ERC2: variants seen among roughly 807,000 people sequenced by gnomAD.
ERC2 encodes the protein ELKS/RAB6-interacting/CAST family member 2.
ERC2 carries 42 observed loss-of-function variants against 114.8 expected under a neutral mutation model. That is an observed-to-expected ratio of 0.37 (90% confidence interval 0.29 to 0.47). ERC2 has a LOEUF of 0.47. Ranked by LOEUF, ERC2 falls within the 20% of genes least tolerant of loss-of-function variation. The pLI, the probability that ERC2 is intolerant of heterozygous loss-of-function variation, is 0.99. For missense variants in ERC2, 939 were observed against 1,150.7 expected, an observed-to-expected ratio of 0.82 and a Z score of 2.66; for synonymous variants, 454 against 425.5, an observed-to-expected ratio of 1.07 and a Z score of -0.82.
rs375910329 is a variant in ERC2, at chr3:56,383,345, G to A, written c.657+51006C>T. ...TGGACAACAAATCCTTCCATGATCCGGTGCCTTTCCTTCTAATCCTGTTTC... is the reference window on the plus strand; with the variant it reads ...TGGACAACAAATCCTTCCATGATCCAGTGCCTTTCCTTCTAATCCTGTTTC... On this transcript the variant is annotated intron_variant, in intron 2 of 17. Coordinates refer to ENST00000288221, the MANE Select transcript of ERC2 (RefSeq NM_015576.3). 1.7e-4 allele frequency among the ~76,000 whole-genome samples: 26 copies of A among 152,218 alleles called. No individual in the cohort carries two copies. The South Asian group carries it at 3.1e-3, about 18-fold the overall frequency.
At chr3:56,053,821 C>G (rs2075881609) in intron 7 of ERC2, among the ~76,000 whole-genome samples, 1 of 151,892 alleles carries the variant, frequency 6.6e-6, no homozygotes, top group African/African-American at 2.4e-5. Flanking sequence ...AAAACCTTAA[C>G]CAGCCTAACC....
intron 1 of ERC2, among the ~76,000 whole-genome samples, chr3:56,457,852 T>C (rs1055778371): frequency 3.3e-5 from 5 of 152,148 alleles, no homozygotes; most frequent in African/African-American, 1.2e-4. Context: ...ACACTTTAGG[T>C]GCTACTTTCT....
chr3:56,286,576 C>A (rs1308204653), intron 3 of ERC2, among the ~76,000 whole-genome samples: 1 of 152,120 alleles, frequency 6.6e-6, no homozygotes, highest in Non-Finnish European at 1.5e-5. Context: ...AAACTACTTA[C>A]TTATCCTTAA....
intron 14 of ERC2, among the ~76,000 whole-genome samples, chr3:55,779,789 T>A (rs1440174125): frequency 2.0e-5 from 3 of 152,114 alleles, no homozygotes; most frequent in Non-Finnish European, 4.4e-5. Flanking sequence ...ACATATGAGA[T>A]CATTCAAAGC....
chr3:55,712,177 C>T (rs1040386666), intron 15 of ERC2, among the ~76,000 whole-genome samples: 2 of 152,132 alleles, frequency 1.3e-5, no homozygotes, highest in African/African-American at 4.8e-5. Context: ...GAACTATCTT[C>T]TTATTTGTTG....
intron 6 of ERC2, among the ~76,000 whole-genome samples, chr3:56,095,896 T>C (rs2078038449): frequency 6.6e-6 from 1 of 152,208 alleles, no homozygotes; most frequent in African/African-American, 2.4e-5. Flanking sequence ...ATTAATACAT[T>C]GTAGGAAGGC....
chr3:55,770,557 A>C (rs1389603390), intron 14 of ERC2, among the ~76,000 whole-genome samples: 1 of 152,122 alleles, frequency 6.6e-6, no homozygotes, highest in Non-Finnish European at 1.5e-5. Flanking sequence ...CCATCTTTCC[A>C]ACTCTGAATC....
chr3:56,148,857 C>A (rs1393116618), intron 5 of ERC2, 120 bp downstream of exon 5: 2 of 873,536 alleles, frequency 2.3e-6, no homozygotes, highest in Non-Finnish European at 1.7e-6. Flanking sequence ...ACTTTGTTGT[C>A]CATATATTAA....
intron 3 of ERC2, among the ~76,000 whole-genome samples, chr3:56,208,167 G>A (rs1275966361): frequency 6.6e-6 from 1 of 152,126 alleles, no homozygotes; most frequent in East Asian, 1.9e-4. Context: ...CATTCTTCCT[G>A]GGACATAAGC....
intron 14 of ERC2, among the ~76,000 whole-genome samples, chr3:55,742,362 C>T (rs1212856949): frequency 6.6e-6 from 1 of 152,198 alleles, no homozygotes; most frequent in Non-Finnish European, 1.5e-5. Flanking sequence ...AAATTAATTT[C>T]AGGAGTTGCA....
intron 17 of ERC2, among the ~76,000 whole-genome samples, chr3:55,681,139 C>T (rs571997009): frequency 1.3e-4 from 20 of 152,180 alleles, no homozygotes; most frequent in African/African-American, 2.9e-4. Context: ...ACCGTGTGCT[C>T]GGAAAATACC....
chr3:55,882,830 G>A (rs1305468886), intron 14 of ERC2, among the ~76,000 whole-genome samples: 2 of 152,110 alleles, frequency 1.3e-5, no homozygotes, highest in Non-Finnish European at 2.9e-5. Flanking sequence ...AATCAAGTTG[G>A]CCTCAGTTCC....
intron 3 of ERC2, among the ~76,000 whole-genome samples, chr3:56,252,914 A>G (rs2052270451): frequency 1.3e-5 from 2 of 152,198 alleles, no homozygotes; most frequent in African/African-American, 4.8e-5. Context: ...ATAGATAGAA[A>G]ACTTTTTAAA....
At chr3:55,979,346 A>C (rs1200245318) in intron 12 of ERC2, among the ~76,000 whole-genome samples, 1 of 152,150 alleles carries the variant, frequency 6.6e-6, no homozygotes, top group African/African-American at 2.4e-5. Flanking sequence ...TGTTCTCAAA[A>C]CCTGAAAAAG....
intron 3 of ERC2, among the ~76,000 whole-genome samples, chr3:56,231,720 T>C (rs1173000190): frequency 6.6e-6 from 1 of 152,200 alleles, no homozygotes; most frequent in Non-Finnish European, 1.5e-5. Flanking sequence ...ATAGCCTGAA[T>C]TTCAGCAGCT....
chr3:55,872,579 A>G (rs2062634818), intron 14 of ERC2, among the ~76,000 whole-genome samples: 1 of 152,174 alleles, frequency 6.6e-6, no homozygotes, highest in Admixed American at 6.5e-5. Flanking sequence ...CAATGCCCAG[A>G]CATGACAGTA....
chr3:55,834,504 A>ATGAC (rs2060779330), intron 14 of ERC2, among the ~76,000 whole-genome samples: 1 of 152,070 alleles, frequency 6.6e-6, no homozygotes, highest in Non-Finnish European at 1.5e-5. Context: ...CTGCTCCTGA[A>ATGAC]TGACTACTGG....
intron 13 of ERC2, among the ~76,000 whole-genome samples, chr3:55,894,667 C>T (rs1409653179): frequency 9.2e-5 from 14 of 152,292 alleles, no homozygotes; most frequent in African/African-American, 3.4e-4. Flanking sequence ...TTATCCTACA[C>T]GAACTAACTC....
intron 16 of ERC2, among the ~76,000 whole-genome samples, chr3:55,694,001 G>A (rs865972179): frequency 3.9e-5 from 6 of 152,238 alleles, no homozygotes; most frequent in African/African-American, 9.6e-5. Context: ...GAGTCACTGC[G>A]CCCGGCAAAG....
Sources: gnomAD v4.1 joint callset for allele counts (sites outside exome capture counted in the v4.1 genomes callset) on GRCh38, gnomAD v4.1.1 for gene constraint, MANE v1.5 for transcripts, NCBI Gene and HGNC (gene_info 2026-07-23, HGNC 2026-07-21) for gene names.